The following CASZ1 variants were observed in gnomAD, a reference collection of about 807,000 sequenced individuals.
CASZ1 encodes castor zinc finger 1, also known as zinc finger protein castor homolog 1.
In CASZ1, 28 loss-of-function variants were observed where a neutral mutation model predicts 135.2. The observed-to-expected ratio is 0.21, with a 90% CI of 0.15 to 0.28. The LOEUF (loss-of-function observed/expected upper bound fraction) is 0.28. Among genes scored for constraint, CASZ1 ranks in the 10% least tolerant of loss-of-function variants. CASZ1 has a pLI of 1.00. For synonymous variants in CASZ1, 1,068 were observed against 1,073.4 expected (o/e 0.99, Z 0.10); for missense variants, 2,161 against 2,453.3 (o/e 0.88, Z 2.52).
At chr1:10,677,764 C>T (rs1166111370) in intron 4 of CASZ1, among the ~76,000 whole-genome samples, 3 of 152,236 alleles carry the variant, frequency 2.0e-5, no homozygotes, top group Non-Finnish European at 2.9e-5. Flanking sequence ...CAGAGCTTTC[C>T]GCAGCCTTGG....
rs149543429 is a variant in CASZ1 at position 10,712,225 on chromosome 1, A to T, written c.-76-6681T>A. Among the ~76,000 whole-genome samples the T allele has an allele frequency of 1.9e-3, 287 of 152,232 alleles. 2 individuals are homozygous for T. The East Asian group carries it at 0.054, about 29-fold the overall frequency. On this transcript the variant is annotated intron_variant, in intron 2 of 20. Transcript: ENST00000377022. ...GCCGGGCATGGTGGTGGGCGCCTGT[A>T]ATCCCAGCTACTCGGGAGGCTGAGG...
chr1:10,779,317 G>A (rs1640720340), intron 1 of CASZ1, among the ~76,000 whole-genome samples: 1 of 144,448 alleles, frequency 6.9e-6, no homozygotes, highest in South Asian at 2.1e-4. Flanking sequence ...ACTGGCCTAG[G>A]GTTTTGGGCA....
Position 10,755,654 on chromosome 1 carries a change from G to A in CASZ1, c.-77+5047C>T, listed in dbSNP as rs574420414. Among the ~76,000 whole-genome samples, 8 of 152,276 alleles carry A rather than the reference G, an allele frequency of 5.3e-5. No homozygotes were observed. Among genetic ancestry groups the A allele is most frequent in the African/African-American group, 1.7e-4 (7 of 41,562 alleles). ...GCTCCGAAGGCAGGGGGTGTGGGGA[G>A]AACGGAGGAAGGAGGCCCAGGCTGG... On this transcript the variant is annotated intron_variant, in intron 2 of 20. Coordinates refer to ENST00000377022, the MANE Select transcript of CASZ1 (RefSeq NM_001079843.3). This position sits in a 1 kb window ranked among gnomAD's most constrained non-coding sequence, Gnocchi z 4.3.
At chr1:10,730,490 C>T (rs575095479) in intron 2 of CASZ1, among the ~76,000 whole-genome samples, 29 of 152,280 alleles carry the variant, frequency 1.9e-4, no homozygotes, top group African/African-American at 6.3e-4. Context: ...AGGACATGGA[C>T]CCGTGTGACT....
intron 2 of CASZ1, among the ~76,000 whole-genome samples, chr1:10,751,484 G>A (rs529669014): frequency 3.3e-4 from 50 of 152,290 alleles, no homozygotes; most frequent in Middle Eastern, 6.8e-3. Context: ...CAGGCAGCAC[G>A]GAGCACTCCC....
intron 1 of CASZ1, among the ~76,000 whole-genome samples, chr1:10,789,653 A>G (rs1640920248): frequency 6.6e-6 from 1 of 151,818 alleles, no homozygotes; most frequent in Non-Finnish European, 1.5e-5. Flanking sequence ...AAAAGGGAAA[A>G]AATTTCCAAC....
intron 3 of CASZ1, among the ~76,000 whole-genome samples, chr1:10,696,551 A>G (rs544069842): frequency 2.0e-5 from 3 of 152,310 alleles, no homozygotes; most frequent in Non-Finnish European, 4.4e-5. Flanking sequence ...GCTGCTCCCA[A>G]TGACTCCCCA....
At chr1:10,692,367 T>C (rs1432184386) in intron 4 of CASZ1, among the ~76,000 whole-genome samples, 2 of 152,108 alleles carry the variant, frequency 1.3e-5, no homozygotes, top group African/African-American at 4.8e-5. Flanking sequence ...ACCAGGCCCA[T>C]CTCTGAGGTC....
In CASZ1 at chr1:10,679,132, T is replaced by C. The variant is rs1432171644; in HGVS notation, c.17-13561A>G. 6.6e-6 allele frequency among the ~76,000 whole-genome samples: 1 copy of C among 152,152 alleles called. No individual in the cohort carries two copies. Among genetic ancestry groups the C allele is most frequent in the Non-Finnish European group, 1.5e-5 (1 of 68,024 alleles). On this transcript the variant is annotated intron_variant, in intron 4 of 20. Coordinates refer to ENST00000377022, the MANE Select transcript of CASZ1 (RefSeq NM_001079843.3). This position sits in a 1 kb window ranked among gnomAD's most constrained non-coding sequence, Gnocchi z 4.7. The stretch of plus-strand genomic sequence containing the variant: ...AGGAGGGGTACCCGCTGCCCCGACT[T>C]CCCAGGATTCACGAGGGGACTGCAG...
At chr1:10,743,048 G>A (rs1386625391) in intron 2 of CASZ1, among the ~76,000 whole-genome samples, 1 of 152,006 alleles carries the variant, frequency 6.6e-6, no homozygotes, top group Non-Finnish European at 1.5e-5. Flanking sequence ...GGGTGGAGCA[G>A]CCCCCTGAAA....
chr1:10,670,898 C>T lies in CASZ1; in HGVS notation c.17-5327G>A, dbSNP rs546708794. On this transcript the variant is annotated intron_variant, in intron 4 of 20. Transcript: ENST00000377022. ...GAGAAGGGAGTCCTTCCCTCTTGGA[C>T]CCAATTCTATCCCCAGCTCCAAACA... is the stretch of plus-strand genomic sequence containing the variant. Among the ~76,000 whole-genome samples, 26 of 152,182 alleles carry T rather than the reference C, an allele frequency of 1.7e-4. No homozygotes were observed. The East Asian group carries it at 3.1e-3, about 18-fold the overall frequency.
At chr1:10,702,150 G>A (rs1027094742) in intron 3 of CASZ1, among the ~76,000 whole-genome samples, 3 of 152,332 alleles carry the variant, frequency 2.0e-5, no homozygotes, top group Admixed American at 2.0e-4. Flanking sequence ...ACACATGTCC[G>A]CTTCCTTGCC....
intron 4 of CASZ1, among the ~76,000 whole-genome samples, chr1:10,690,819 G>C (rs1460154652): frequency 6.6e-6 from 1 of 152,228 alleles, no homozygotes; most frequent in East Asian, 1.9e-4. Context: ...ACTATCATCA[G>C]ATCCCCACGA....
chr1:10,704,628 CG>C (rs1338130553), intron 3 of CASZ1: 1 of 152,268 alleles, frequency 6.6e-6, no homozygotes, highest in African/African-American at 2.4e-5. Context: ...GCCCGAAACG[CG>C]AGAGACAAAG....
chr1:10,781,168 G>A (rs1320027452), intron 1 of CASZ1, among the ~76,000 whole-genome samples: 1 of 152,214 alleles, frequency 6.6e-6, no homozygotes, highest in African/African-American at 2.4e-5. Context: ...AGGGCGAGGA[G>A]GGGGCTCTGG....
intron 20 of CASZ1, among the ~76,000 whole-genome samples, chr1:10,641,811 G>A (rs1284138297): frequency 6.6e-6 from 1 of 152,166 alleles, no homozygotes; most frequent in African/African-American, 2.4e-5. Flanking sequence ...TGGCAGCAGT[G>A]CTCTGGCCTG....
At chr1:10,655,555 TG>T in intron 9 of CASZ1, 93 bp downstream of exon 9, 2 of 1,231,334 alleles carry the variant, frequency 1.6e-6, no homozygotes, top group Non-Finnish European at 1.1e-6. Flanking sequence ...TCCCTGCCCA[TG>T]GGGCAGCCCT....
chr1:10,639,161 C>T lies in CASZ1; in HGVS notation c.5061G>A (p.Glu1687=), dbSNP rs1344052798. ...DEEEELELPE[E]EAEDDEDEDD... ...CCTCGTCCTCGTCGTCTTCGGCCTCCTCCTCCGGCAGCTCCAGCTCCTCCT... is the reference window on the plus strand; with the variant it reads ...CCTCGTCCTCGTCGTCTTCGGCCTCTTCCTCCGGCAGCTCCAGCTCCTCCT... Residue 1687 remains glutamate (E), a synonymous_variant, in exon 21 of 21, where the codon GAG becomes GAA. Coordinates refer to ENST00000377022, the MANE Select transcript of CASZ1 (RefSeq NM_001079843.3). The surrounding 1 kb of genome is among the most constrained non-coding windows in gnomAD (Gnocchi z 4.0). 1.9e-6 allele frequency: 2 copies of T among 1,067,462 alleles called. No homozygotes were observed. The highest frequency in any genetic ancestry group is 7.3e-5 in the East Asian group (1 of 13,654). 66.1% of individuals were successfully genotyped at this position (1,067,462 alleles called of 1,614,324 possible).
chr1:10,719,793 A>C lies in CASZ1; in HGVS notation c.-76-14249T>G, dbSNP rs1299897944. 6.6e-6 allele frequency among the ~76,000 whole-genome samples: 1 copy of C among 152,206 alleles called. No homozygotes were observed. Among genetic ancestry groups the C allele is most frequent in the African/African-American group, 2.4e-5 (1 of 41,456 alleles). On this transcript the variant is annotated intron_variant, in intron 2 of 20. Coordinates refer to ENST00000377022, the MANE Select transcript of CASZ1 (RefSeq NM_001079843.3). The surrounding 1 kb of genome is among the most constrained non-coding windows in gnomAD (Gnocchi z 4.0). ...TTCCAAGCAAAAACTGCACACAAAG[A>C]GCATGGGGGATCCCCACAGGCCTGG...
Sources: gnomAD v4.1 joint callset for allele counts (sites outside exome capture counted in the v4.1 genomes callset) on GRCh38, gnomAD v4.1.1 for gene constraint, Gnocchi (gnomAD v3.1) non-coding constraint, MANE v1.5 for transcripts, NCBI Gene and HGNC (gene_info 2026-07-23, HGNC 2026-07-21) for gene names.